The following PCDH15 variants were observed in gnomAD, a reference collection of about 807,000 sequenced individuals.
PCDH15 encodes the protein protocadherin-15.
Under a neutral mutation model 178.5 loss-of-function variants are expected in PCDH15, and 129 were observed. That is an observed-to-expected ratio of 0.72 (90% confidence interval 0.63 to 0.84). The LOEUF (loss-of-function observed/expected upper bound fraction) is 0.84, where lower values mean the gene tolerates loss of function less well. PCDH15 is among the 40% of genes least tolerant of loss of function. The pLI, the probability that PCDH15 is intolerant of heterozygous loss-of-function variation, is 0.00. For synonymous variants in PCDH15, 800 were observed against 732.0 expected, an observed-to-expected ratio of 1.09 and a Z score of -1.50; for missense variants, 2,230 against 2,099.9, an observed-to-expected ratio of 1.06 and a Z score of -1.21.
At chr10:54,618,882 G>C (rs1017112326) in intron 2 of PCDH15, among the ~76,000 whole-genome samples, 1 of 151,862 alleles carries the variant, frequency 6.6e-6, no homozygotes, top group Non-Finnish European at 1.5e-5. Context: ...ACGGCAGCAT[G>C]TTATTCCATA....
chr10:55,277,825 G>A (rs369011382), intron 1 of PCDH15, among the ~76,000 whole-genome samples: 16 of 152,002 alleles, frequency 1.1e-4, no homozygotes, highest in East Asian at 7.7e-4. Context: ...TTGAGACTCC[G>A]CCTCATAAAA....
chr10:53,824,271 A>G (rs1284576102), intron 32 of PCDH15, among the ~76,000 whole-genome samples: 7 of 152,140 alleles, frequency 4.6e-5, no homozygotes, highest in African/African-American at 1.7e-4. Flanking sequence ...GGCTCTAAGG[A>G]AAGCATTTGG....
intron 2 of PCDH15, among the ~76,000 whole-genome samples, chr10:55,461,674 G>A (rs1839681985): frequency 1.3e-5 from 2 of 152,004 alleles, no homozygotes; most frequent in South Asian, 2.1e-4. Context: ...TTACCAAAAC[G>A]GAAACTATCT....
At position 55,334,248 on chromosome 10, in the gene PCDH15, G is replaced by A. The variant is rs3955320; in HGVS notation, c.-155-167597C>T. 9.7e-3 allele frequency among the ~76,000 whole-genome samples: 756 copies of A among 78,006 alleles called. 11 individuals carry two copies. The highest frequency in any genetic ancestry group is 0.032 in the African/African-American group (425 of 13,296). The allele number at this position is 78,006 out of a possible 152,430, so 51.2% of individuals were successfully genotyped here. On this transcript the variant is annotated intron_variant, in intron 2 of 5. Coordinates refer to the PCDH15 transcript ENST00000613346. ...TATATATATATATATATATATGTGT[G>A]TGTGTGTGTGTGTGTGTGTGTGTGT...
intron 3 of PCDH15, among the ~76,000 whole-genome samples, chr10:54,461,625 G>T (rs1166792406): frequency 3.3e-5 from 5 of 152,078 alleles, no homozygotes; most frequent in Non-Finnish European, 2.9e-5. Context: ...CTGGAATTAG[G>T]CAAACTGTGT....
intron 30 of PCDH15, chr10:53,831,083 A>T: frequency 1.3e-6 from 1 of 742,012 alleles, no homozygotes; most frequent in Non-Finnish European, 2.5e-6. Context: ...TTCTATTGAA[A>T]GAGACCGAAT....
chr10:54,712,864 T>C (rs1394494749), intron 1 of PCDH15, among the ~76,000 whole-genome samples: 4 of 152,032 alleles, frequency 2.6e-5, no homozygotes, highest in Admixed American at 6.6e-5. Flanking sequence ...TTTAAACAGA[T>C]GGATAGTTTG....
At chr10:53,883,374 A>T (rs541340226) in intron 26 of PCDH15, among the ~76,000 whole-genome samples, 5 of 152,176 alleles carry the variant, frequency 3.3e-5, no homozygotes, top group Non-Finnish European at 7.3e-5. Context: ...TATCATAATG[A>T]TCAGGTAAAA....
intron 2 of PCDH15, among the ~76,000 whole-genome samples, chr10:55,109,656 A>T (rs1837448173): frequency 6.6e-6 from 1 of 152,272 alleles, no homozygotes; most frequent in Admixed American, 6.5e-5. Flanking sequence ...TCATTGTCTA[A>T]TAAATCCAAG....
chr10:54,340,228 C>T (rs1260149299), intron 6 of PCDH15, among the ~76,000 whole-genome samples: 1 of 152,082 alleles, frequency 6.6e-6, no homozygotes, highest in Non-Finnish European at 1.5e-5. Flanking sequence ...TTCATATCTA[C>T]ATATCTAATA....
intron 3 of PCDH15, among the ~76,000 whole-genome samples, chr10:54,456,123 C>T (rs2076805399): frequency 1.3e-5 from 2 of 152,030 alleles, no homozygotes. Flanking sequence ...CCACACAGCA[C>T]TGTCTAGTGG....
intron 26 of PCDH15, among the ~76,000 whole-genome samples, chr10:53,879,227 T>C (rs1327515231): frequency 3.9e-5 from 6 of 152,178 alleles, no homozygotes; most frequent in Non-Finnish European, 5.9e-5. Flanking sequence ...ATAAGTCTCA[T>C]GGCCAGTAGA....
chr10:55,043,715 AAAAT>A (rs1283304327), intron 2 of PCDH15, among the ~76,000 whole-genome samples: 2 of 142,046 alleles, frequency 1.4e-5, no homozygotes, highest in African/African-American at 2.6e-5. Flanking sequence ...GTCTAAATAG[AAAAT>A]AAATAAATAA....
At chr10:54,645,289 A>G (rs1199518811) in intron 2 of PCDH15, among the ~76,000 whole-genome samples, 1 of 152,120 alleles carries the variant, frequency 6.6e-6, no homozygotes, top group Non-Finnish European at 1.5e-5. Context: ...TAGAGAGATG[A>G]CAAGAGTTTA....
At chr10:55,509,600 C>A (rs952235794) in intron 2 of PCDH15, among the ~76,000 whole-genome samples, 14 of 151,850 alleles carry the variant, frequency 9.2e-5, no homozygotes, top group Non-Finnish European at 1.3e-4. Context: ...TTAATTGTAC[C>A]AATTGAGAAC....
At chr10:55,043,830 T>G (rs983673852) in intron 2 of PCDH15, among the ~76,000 whole-genome samples, 3 of 152,066 alleles carry the variant, frequency 2.0e-5, no homozygotes, top group Non-Finnish European at 2.9e-5. Context: ...TCTGGATACT[T>G]GCTTACATAG....
chr10:53,940,778 A>C, intron 24 of PCDH15, 88 bp downstream of exon 24: 2 of 936,278 alleles, frequency 2.1e-6, no homozygotes, highest in South Asian at 1.4e-5. Flanking sequence ...AAACAATAGA[A>C]TAGATAATAA....
chr10:54,372,665 A>T (rs1453580966), intron 4 of PCDH15, among the ~76,000 whole-genome samples: 1 of 151,890 alleles, frequency 6.6e-6, no homozygotes, highest in Admixed American at 6.6e-5. Flanking sequence ...GGCAAAAATA[A>T]GCCATGGTAA....
chr10:55,579,851 TTTG>T (rs1842571769), intron 2 of PCDH15, among the ~76,000 whole-genome samples: 2 of 152,138 alleles, frequency 1.3e-5, no homozygotes, highest in South Asian at 4.1e-4. Context: ...TTTTGTTGTT[TTTG>T]TTTTTTGTTT....
Sources: gnomAD v4.1 joint callset for allele counts (sites outside exome capture counted in the v4.1 genomes callset) on GRCh38, gnomAD v4.1.1 for gene constraint, MANE v1.5 for transcripts, NCBI Gene and HGNC (gene_info 2026-07-23, HGNC 2026-07-21) for gene names.